Variants in TRAPPC2B observed in about 807,000 individuals in gnomAD.
The protein encoded by TRAPPC2B is trafficking protein particle complex subunit 2B.
In TRAPPC2B, 5 loss-of-function variants were observed where a neutral mutation model predicts 8.4. That is an observed-to-expected ratio of 0.59 (90% confidence interval 0.31 to 1.25). The LOEUF (loss-of-function observed/expected upper bound fraction) is 1.25. TRAPPC2B is among the 50% of genes most tolerant of loss of function. The probability of loss-of-function intolerance (pLI) is 0.06; values close to 1 mark genes in which losing one functional copy is unlikely to be tolerated. For synonymous variants in TRAPPC2B, 46 were observed against 58.1 expected, an observed-to-expected ratio of 0.79 and a Z score of 0.95; for missense variants, 161 against 173.2, an observed-to-expected ratio of 0.93 and a Z score of 0.40.
At position 57,364,818 on chromosome 19, in the gene TRAPPC2B, C is replaced by T; in HGVS notation, c.-16C>T. ...CGTTGTCGGCCTCCCGCTGCAGGAG[C>T]CATATATTGAAGACCATGTCTGGAA... On this transcript the variant is annotated 5_prime_UTR_variant, in exon 2 of 2. Coordinates refer to ENST00000543226, the MANE Select transcript of TRAPPC2B (RefSeq NM_001355204.2). The T allele has an allele frequency of 6.3e-7, 1 of 1,589,098 alleles. No homozygotes were observed. Among genetic ancestry groups the T allele is most frequent in the Non-Finnish European group, 8.6e-7 (1 of 1,162,692 alleles).
chr19:57,364,944 G>T lies in TRAPPC2B; in HGVS notation c.111G>T (p.Leu37=), dbSNP rs770581561. 1.9e-6 allele frequency: 3 copies of T among 1,613,082 alleles called. No homozygotes were observed. The Admixed American group carries it at 5.0e-5, about 27-fold the overall frequency. ...KAESKDDHRH[L]NQFIAHAALD... ...AATCCAAAGACGACCATCGTCATCTGAACCAGTTCATAGCTCATGCTGCTC... is the reference window on the plus strand; with the variant it reads ...AATCCAAAGACGACCATCGTCATCTTAACCAGTTCATAGCTCATGCTGCTC... Residue 37 remains leucine, a synonymous_variant, in exon 2 of 2, where the codon CTG becomes CTT. Transcript: ENST00000543226.
In TRAPPC2B at chr19:57,364,825, T is replaced by C; in HGVS notation, c.-9T>C. ...GGCCTCCCGCTGCAGGAGCCATATATTGAAGACCATGTCTGGAAGCTTCTA... is the reference window on the plus strand; with the variant it reads ...GGCCTCCCGCTGCAGGAGCCATATACTGAAGACCATGTCTGGAAGCTTCTA... On this transcript the variant is annotated 5_prime_UTR_variant, in exon 2 of 2. Coordinates refer to ENST00000543226, the MANE Select transcript of TRAPPC2B (RefSeq NM_001355204.2). 6.3e-7 allele frequency: 1 copy of C among 1,598,966 alleles called. No homozygotes were observed. Among genetic ancestry groups the C allele is most frequent in the African/African-American group, 1.3e-5 (1 of 74,726 alleles).
At position 57,364,964 on chromosome 19, in the gene TRAPPC2B, C is replaced by A. The variant is rs1399197247; in HGVS notation, c.131C>A (p.Ala44Asp). ...HRHLNQFIAH[A>D]ALDLVDENMW... Reference sequence around the variant, plus strand: ...CATCTGAACCAGTTCATAGCTCATGCTGCTCTCGACCTCGTAGATGAGAAC... The same window carrying A: ...CATCTGAACCAGTTCATAGCTCATGATGCTCTCGACCTCGTAGATGAGAAC... Residue 44 changes from alanine to aspartate, a missense_variant, in exon 2 of 2, where the codon GCT becomes GAT. Coordinates refer to ENST00000543226, the MANE Select transcript of TRAPPC2B (RefSeq NM_001355204.2). 6.2e-7 allele frequency: 1 copy of A among 1,613,080 alleles called. No individual in the cohort carries two copies. The highest frequency in any genetic ancestry group is 8.5e-7 in the Non-Finnish European group (1 of 1,179,182).
chr19:57,365,116 A>G lies in TRAPPC2B; in HGVS notation c.283A>G (p.Ile95Val), dbSNP rs780565516. Residue 95 changes from isoleucine to valine, a missense_variant, in exon 2 of 2, where the codon ATA becomes GTA. By Grantham distance (29) the Ile-to-Val change is conservative. Transcript: ENST00000543226. Reference protein sequence around the residue: ...MLHDIRQEDGIKNFFTDVYDL... With the variant: ...MLHDIRQEDGVKNFFTDVYDL... ...TCATGACATAAGACAAGAAGATGGAATAAAGAACTTCTTTACTGATGTTTA... is the reference window on the plus strand; with the variant it reads ...TCATGACATAAGACAAGAAGATGGAGTAAAGAACTTCTTTACTGATGTTTA... 34 of 1,607,476 alleles carry G rather than the reference A, an allele frequency of 2.1e-5. No individual in the cohort carries two copies. The highest frequency in any genetic ancestry group is 2.9e-5 in the Non-Finnish European group (34 of 1,174,874).
Position 57,364,877 on chromosome 19 carries a change from A to T in TRAPPC2B, c.44A>T (p.Asn15Ile). Residue 15 changes from asparagine to isoleucine, a missense_variant, in exon 2 of 2, where the codon AAT becomes ATT. Coordinates refer to ENST00000543226, the MANE Select transcript of TRAPPC2B (RefSeq NM_001355204.2). ...TTTGTAATTGTTGGTCACCATGATA[A>T]TCCAGTTTTTGAAATGGAGTTTTTG... is the stretch of plus-strand genomic sequence containing the variant. ...FYFVIVGHHD[N>I]PVFEMEFLPA... is the part of the protein sequence containing the mutation. The T allele has an allele frequency of 6.2e-7, 1 of 1,611,768 alleles. No individual in the cohort carries two copies. The highest frequency in any genetic ancestry group is 8.5e-7 in the Non-Finnish European group (1 of 1,178,358).
Position 57,364,753 on chromosome 19 carries a change from G to A in TRAPPC2B, c.-19-62G>A. 3 of 1,203,182 alleles carry A rather than the reference G, an allele frequency of 2.5e-6. No individual in the cohort carries two copies. The South Asian group carries it at 4.0e-5, about 16-fold the overall frequency. 74.5% of individuals were successfully genotyped at this position (1,203,182 alleles called of 1,614,324 possible). On this transcript the variant is annotated intron_variant, in intron 1 of 1. Coordinates refer to ENST00000543226, the MANE Select transcript of TRAPPC2B (RefSeq NM_001355204.2). ...GAGATTCCGTGTCAAAAAAAGGTGCGGAGCGCGGGTCTCTTCCGCGGAAAC... is the reference window on the plus strand; with the variant it reads ...GAGATTCCGTGTCAAAAAAAGGTGCAGAGCGCGGGTCTCTTCCGCGGAAAC...
chr19:57,364,837 T>A lies in TRAPPC2B; in HGVS notation c.4T>A (p.Ser2Thr). Residue 2 changes from serine to threonine, a missense_variant, in exon 2 of 2, where the codon TCT becomes ACT. Coordinates refer to ENST00000543226, the MANE Select transcript of TRAPPC2B (RefSeq NM_001355204.2). M[S>T]GSFYFVIVGH... is the part of the protein sequence containing the mutation. ...CAGGAGCCATATATTGAAGACCATG[T>A]CTGGAAGCTTCTACTTTGTAATTGT... 1 of 1,605,170 alleles carries A rather than the reference T, an allele frequency of 6.2e-7. No individual in the cohort carries two copies. Among genetic ancestry groups the A allele is most frequent in the Non-Finnish European group, 8.5e-7 (1 of 1,174,380 alleles).
chr19:57,363,728 C>CGCG (rs1555779306), intron 1 of TRAPPC2B, 25 bp downstream of exon 1: 1 of 131,020 alleles, frequency 7.6e-6, no homozygotes, highest in Non-Finnish European at 1.7e-5. Context: ...CCAGGCCCCC[C>CGCG]CCCACCTCCG....
chr19:57,364,634 G>C, intron 1 of TRAPPC2B, 181 bp from the exon 2 acceptor site: 1 of 603,074 alleles, frequency 1.7e-6, no homozygotes, highest in Non-Finnish European at 2.9e-6. Flanking sequence ...CCAGCTATTC[G>C]GGAGGCTGAG....
At chr19:57,364,443 T>TCGGAGGTCGCCGTA in intron 1 of TRAPPC2B, 4 of 206,436 alleles carry the variant, frequency 1.9e-5, no homozygotes, top group South Asian at 8.0e-5. Flanking sequence ...GTGTAGATTC[T>TCGGAGGTCGCCGTA]TCAAAAGAAT....
intron 1 of TRAPPC2B, chr19:57,364,467 G>T: frequency 3.9e-6 from 1 of 259,638 alleles, no homozygotes; most frequent in Non-Finnish European, 7.6e-6. Flanking sequence ...GGGTGGCCGG[G>T]CGTGGTGGCT....
chr19:57,365,066 C>G lies in TRAPPC2B; in HGVS notation c.233C>G (p.Ala78Gly). The G allele has an allele frequency of 6.2e-7, 1 of 1,610,766 alleles. No individual in the cohort carries two copies. Among genetic ancestry groups the G allele is most frequent in the Non-Finnish European group, 8.5e-7 (1 of 1,177,322 alleles). The change falls in exon 2 of 2, where the codon GCG becomes GGG. Residue 78 changes from alanine to glycine, a missense_variant. Coordinates refer to ENST00000543226, the MANE Select transcript of TRAPPC2B (RefSeq NM_001355204.2). ...TGGTTTGTGTCAGCATTTGTCACCG[C>G]GGGGCATATGAGGTTTATTATGCTT... ...NEWFVSAFVT[A>G]GHMRFIMLHD... is the part of the protein sequence containing the mutation.
At chr19:57,364,249 CATT>C (rs1333584230) in intron 1 of TRAPPC2B, 5 of 153,670 alleles carry the variant, frequency 3.3e-5, no homozygotes, top group African/African-American at 1.3e-4. Context: ...AGTGAAGGGT[CATT>C]TTTTTTTTTT....
chr19:57,364,460 T>TGGA, intron 1 of TRAPPC2B: 1 of 300,518 alleles, frequency 3.3e-6, no homozygotes, highest in Non-Finnish European at 6.4e-6. Context: ...GAATAGAGGG[T>TGGA]GGCCGGGCGT....
intron 1 of TRAPPC2B, 28 bp downstream of exon 1, chr19:57,363,731 C>A (rs796412709): frequency 3.3e-5 from 5 of 151,264 alleles, no homozygotes; most frequent in South Asian, 1.8e-4. Flanking sequence ...GGCCCCCCCC[C>A]ACCTCCGCCC....
chr19:57,365,137 G>A lies in TRAPPC2B; in HGVS notation c.304G>A (p.Val102Ile), dbSNP rs2088457082. 2 of 1,604,158 alleles carry A rather than the reference G, an allele frequency of 1.2e-6. No individual in the cohort carries two copies. Among genetic ancestry groups the A allele is most frequent in the East Asian group, 2.2e-5 (1 of 44,574 alleles). ...EDGIKNFFTD[V>I]YDLYIKFSMN... ...TGGAATAAAGAACTTCTTTACTGAT[G>A]TTTATGATTTATATATAAAATTTTC... is the stretch of plus-strand genomic sequence containing the variant. The change falls in exon 2 of 2, where the codon GTT (valine) becomes ATT (isoleucine). Residue 102 changes from valine to isoleucine, a missense_variant. Coordinates refer to ENST00000543226, the MANE Select transcript of TRAPPC2B (RefSeq NM_001355204.2).
intron 1 of TRAPPC2B, 28 bp downstream of exon 1, chr19:57,363,731 C>CA (rs1555779290): frequency 0.015 from 2,230 of 151,362 alleles, 42 homozygotes; most frequent in African/African-American, 0.051. Flanking sequence ...GGCCCCCCCC[C>CA]ACCTCCGCCC....
chr19:57,363,574 AG>A lies in TRAPPC2B; in HGVS notation c.-147del, dbSNP rs2088436477. 6.5e-6 allele frequency: 1 copy of A among 152,802 alleles called. No individual in the cohort carries two copies. The highest frequency in any genetic ancestry group is 2.4e-5 in the African/African-American group (1 of 41,470). 9.5% of individuals were successfully genotyped at this position (152,802 alleles called of 1,614,324 possible). A position where few individuals can be genotyped will look rare whatever the true frequency, so the allele number is the denominator to read the frequency against. The stretch of plus-strand genomic sequence containing the variant: ...TTGTACGCAGAGGCGGTAGTGACAC[AG>A]GCACAACTGACAGTGGCAGAAGCTC... On this transcript the variant is annotated 5_prime_UTR_variant, in exon 1 of 2. Transcript: ENST00000543226.
Position 57,365,013 on chromosome 19 carries a change from C to G in TRAPPC2B, c.180C>G (p.Tyr60Ter), listed in dbSNP as rs945296192. 1.9e-6 allele frequency: 3 copies of G among 1,612,468 alleles called. No homozygotes were observed. Among genetic ancestry groups the G allele is most frequent in the Non-Finnish European group, 2.5e-6 (3 of 1,178,822 alleles). ...DENMWLSNNM[Y>*]LKTVDKFNEW... ...ACATGTGGCTGTCGAACAACATGTA[C>G]TTGAAAACTGTGGACAAGTTCAACG... Residue 60 changes from tyrosine (Y) to a stop codon, truncating the protein, a stop_gained, in exon 2 of 2, where the codon TAC (tyrosine) becomes TAG (stop). Coordinates refer to ENST00000543226, the MANE Select transcript of TRAPPC2B (RefSeq NM_001355204.2). LOFTEE classifies it high-confidence loss of function.
Sources: gnomAD v4.1 joint callset for allele counts on GRCh38, gnomAD v4.1.1 for gene constraint, MANE v1.5 for transcripts, NCBI Gene and HGNC (gene_info 2026-07-23, HGNC 2026-07-21) for gene names.